Variants in ZNF536 observed in about 807,000 individuals in gnomAD.
ZNF536 encodes the protein zinc finger protein 536.
A neutral mutation model predicts 84.5 loss-of-function variants in ZNF536; 13 were observed. That is an observed-to-expected ratio of 0.15 (90% CI 0.10 to 0.24). The LOEUF is 0.24. ZNF536 is among the 10% of genes least tolerant of loss of function. The pLI, the probability that ZNF536 is intolerant of heterozygous loss-of-function variation, is 1.00. For synonymous variants in ZNF536, 811 were observed against 742.5 expected (o/e 1.09, Z -1.50); for missense variants, 1,536 against 1,747.5 (o/e 0.88, Z 2.16).
intron 2 of ZNF536, among the ~76,000 whole-genome samples, chr19:30,511,031 G>T (rs887761070): frequency 1.3e-5 from 2 of 152,230 alleles, no homozygotes; most frequent in Admixed American, 6.5e-5. Flanking sequence ...ACACTCTGAA[G>T]TGTGGGTGGA....
intron 1 of ZNF536, among the ~76,000 whole-genome samples, chr19:30,374,625 A>C (rs987766710): frequency 6.6e-6 from 1 of 152,140 alleles, no homozygotes; most frequent in Non-Finnish European, 1.5e-5. Context: ...CTTTTGCGCA[A>C]AGACAAAGGG....
At chr19:30,712,389 G>T (rs1470345392) in exon 2 of ZNF536, 2 of 149,514 alleles carry the variant, frequency 1.3e-5, no homozygotes, top group Non-Finnish European at 3.0e-5. Flanking sequence ...AGAGAAGTAT[G>T]AAAGTATTAA....
intron 1 of ZNF536, among the ~76,000 whole-genome samples, chr19:30,271,299 C>CTTTTTTTTTTTTT (rs781528411): frequency 1.8e-5 from 2 of 111,842 alleles, no homozygotes; most frequent in African/African-American, 3.6e-5. Context: ...TTTTTCTTTT[C>CTTTTTTTTTTTTT]TTTTTTTTTT....
intron 2 of ZNF536, among the ~76,000 whole-genome samples, chr19:30,344,304 T>TTTATATATATATAAACTGGGCGTGG: frequency 7.5e-5 from 5 of 66,252 alleles, no homozygotes; most frequent in Non-Finnish European, 1.4e-4. Flanking sequence ...CACAAATATA[T>TTTATATATATATAAACTGGGCGTGG]TGGCGGCCTC....
chr19:30,709,310 G>C (rs1171494833), intron 1 of ZNF536, among the ~76,000 whole-genome samples: 1 of 151,910 alleles, frequency 6.6e-6, no homozygotes, highest in Non-Finnish European at 1.5e-5. Context: ...CTTTCTCCTG[G>C]TCCCGACAAC....
chr19:30,621,115 TTA>T (rs1417956733), intron 1 of ZNF536, among the ~76,000 whole-genome samples: 7 of 152,084 alleles, frequency 4.6e-5, no homozygotes. Flanking sequence ...GGAAGTATTT[TTA>T]GTCAGATTTG....
chr19:30,679,045 C>T (rs2050865094), intron 1 of ZNF536, among the ~76,000 whole-genome samples: 1 of 152,106 alleles, frequency 6.6e-6, no homozygotes, highest in Non-Finnish European at 1.5e-5. Flanking sequence ...ACCGAGCCAG[C>T]CGAGACATGA....
At chr19:30,654,566 G>T (rs2049833070) in intron 1 of ZNF536, among the ~76,000 whole-genome samples, 1 of 152,158 alleles carries the variant, frequency 6.6e-6, no homozygotes, top group African/African-American at 2.4e-5. Context: ...GACTGCACCT[G>T]GTTGAGTGAT....
chr19:30,518,873 C>G (rs2044200440), intron 2 of ZNF536, among the ~76,000 whole-genome samples: 1 of 151,732 alleles, frequency 6.6e-6, no homozygotes, highest in Non-Finnish European at 1.5e-5. Flanking sequence ...GATGGGGGTG[C>G]AGGGATGGGG....
intron 1 of ZNF536, among the ~76,000 whole-genome samples, chr19:30,684,400 G>T (rs1004814763): frequency 6.6e-6 from 1 of 152,132 alleles, no homozygotes; most frequent in Non-Finnish European, 1.5e-5. Context: ...GCCTCCCAAA[G>T]TGCTGGGATT....
chr19:30,269,773 C>T (rs62101873), intron 1 of ZNF536, among the ~76,000 whole-genome samples: 5 of 152,142 alleles, frequency 3.3e-5, no homozygotes, highest in African/African-American at 4.8e-5. Context: ...TCGGCTTGTA[C>T]GAACGAAGAT....
chr19:30,553,274 C>T (rs2045849505), intron 4 of ZNF536, among the ~76,000 whole-genome samples: 1 of 152,196 alleles, frequency 6.6e-6, no homozygotes. Flanking sequence ...AATGCTAATG[C>T]ACTGTTGGGT....
At position 30,395,127 on chromosome 19, in the gene ZNF536, T is replaced by C. The variant is rs568594883; in HGVS notation, c.-3+22571T>C. 3.9e-5 allele frequency among the ~76,000 whole-genome samples: 6 copies of C among 152,354 alleles called. No individual in the cohort carries two copies. In the East Asian group the frequency reaches 9.6e-4, roughly 24 times the overall value. On this transcript the variant is annotated intron_variant, in intron 1 of 4. Transcript: ENST00000355537. ...GCTTTCGTTGTGTACAAAGGGACAA[T>C]GCTTAGATTAATCTTAATTGCTACC...
intron 1 of ZNF536, among the ~76,000 whole-genome samples, chr19:30,606,983 T>C (rs567058108): frequency 6.6e-6 from 1 of 152,210 alleles, no homozygotes; most frequent in East Asian, 1.9e-4. Flanking sequence ...GATGTCAGAA[T>C]GTGTGTGAAG....
chr19:30,594,623 T>C (rs1250538719), intron 1 of ZNF536, among the ~76,000 whole-genome samples: 1 of 152,118 alleles, frequency 6.6e-6, no homozygotes, highest in East Asian at 1.9e-4. Flanking sequence ...GACACCCCCG[T>C]GGAGCCTGCT....
intron 1 of ZNF536, among the ~76,000 whole-genome samples, chr19:30,594,662 C>A (rs1479079723): frequency 6.6e-6 from 1 of 152,068 alleles, no homozygotes; most frequent in African/African-American, 2.4e-5. Flanking sequence ...CACCAGGGCA[C>A]CCCCTGGGTG....
At chr19:30,314,062 C>G (rs1265460518) in intron 2 of ZNF536, among the ~76,000 whole-genome samples, 1 of 152,190 alleles carries the variant, frequency 6.6e-6, no homozygotes, top group Non-Finnish European at 1.5e-5. Flanking sequence ...TTGAGGTGGC[C>G]CTGCATGGCT....
At chr19:30,578,987 C>T (rs1392534316) in intron 1 of ZNF536, among the ~76,000 whole-genome samples, 4 of 152,182 alleles carry the variant, frequency 2.6e-5, no homozygotes, top group African/African-American at 9.7e-5. Context: ...CTTTTCTGGG[C>T]TCCAGATTCC....
intron 2 of ZNF536, among the ~76,000 whole-genome samples, chr19:30,451,552 C>T (rs1427178946): frequency 1.3e-5 from 2 of 152,216 alleles, no homozygotes; most frequent in Non-Finnish European, 1.5e-5. Context: ...GGTACTTGCA[C>T]AGGCTCTGAA....
Sources: allele counts gnomAD v4.1 joint callset (sites outside exome capture counted in the v4.1 genomes callset), GRCh38; gene constraint gnomAD v4.1.1; transcripts MANE v1.5; gene names NCBI Gene and HGNC (gene_info 2026-07-23, HGNC 2026-07-21).